PCDHA7: variants seen among roughly 807,000 people sequenced by gnomAD.
The protein encoded by PCDHA7 is protocadherin alpha 7, also known as protocadherin alpha-7.
In PCDHA7, 37 loss-of-function variants were observed where a neutral mutation model predicts 57.2. That is an observed-to-expected ratio of 0.65 (90% confidence interval 0.50 to 0.85). PCDHA7 has a LOEUF of 0.85. PCDHA7 is among the 40% of genes least tolerant of loss of function. PCDHA7 has a pLI of 0.00. For missense variants in PCDHA7, 1,188 were observed against 1,241.8 expected (o/e 0.96, Z 0.65); for synonymous variants, 553 against 558.8 (o/e 0.99, Z 0.15).
chr5:140,997,107 C>T (rs1346636277), intron 3 of PCDHA7, among the ~76,000 whole-genome samples: 3 of 152,094 alleles, frequency 2.0e-5, no homozygotes, highest in African/African-American at 7.2e-5. Flanking sequence ...TCATGCACTC[C>T]TGCTCTCCCA....
At chr5:140,967,790 C>T in intron 1 of PCDHA7, 1 of 1,614,188 alleles carries the variant, frequency 6.2e-7, no homozygotes, top group Non-Finnish European at 8.5e-7. Flanking sequence ...TGACCGGGGT[C>T]CAGTGCCCAT....
intron 3 of PCDHA7, among the ~76,000 whole-genome samples, chr5:140,992,037 G>A (rs2153898781): frequency 6.6e-6 from 1 of 152,006 alleles, no homozygotes; most frequent in East Asian, 1.9e-4. Context: ...GTGTGTGTGT[G>A]TGTGTGTGTG....
At chr5:141,009,173 G>A (rs1486905042) in intron 3 of PCDHA7, among the ~76,000 whole-genome samples, 3 of 152,204 alleles carry the variant, frequency 2.0e-5, no homozygotes, top group African/African-American at 7.2e-5. Flanking sequence ...TACTGGCCTT[G>A]GCTGGGTGTG....
At chr5:140,844,630 A>G (rs1413264229) in intron 1 of PCDHA7, among the ~76,000 whole-genome samples, 2 of 149,590 alleles carry the variant, frequency 1.3e-5, no homozygotes, top group Non-Finnish European at 3.0e-5. Flanking sequence ...CAGAAAAACT[A>G]TACATGATAA....
At chr5:140,889,626 TC>T (rs2062301507) in intron 1 of PCDHA7, among the ~76,000 whole-genome samples, 1 of 152,228 alleles carries the variant, frequency 6.6e-6, no homozygotes, top group African/African-American at 2.4e-5. Flanking sequence ...TCATTTCTCT[TC>T]TTTTCATTTG....
At position 140,978,793 on chromosome 5, in the gene PCDHA7, A is replaced by G. The variant is rs1241254692; in HGVS notation, c.2356-156A>G. 4.1e-6 allele frequency: 4 copies of G among 977,674 alleles called. No individual in the cohort carries two copies. In the African/African-American group the frequency reaches 7.0e-5, roughly 17 times the overall value. The allele number at this position is 977,674 out of a possible 1,614,324, so 60.6% of individuals were successfully genotyped here. On this transcript the variant is annotated intron_variant, in intron 1 of 3. Coordinates refer to ENST00000525929, the MANE Select transcript of PCDHA7 (RefSeq NM_018910.3). ...CTAATTTTCTTCTAAAGTGCTATAT[A>G]TGTAGATATCATCATAGAGTTACAC... is the stretch of plus-strand genomic sequence containing the variant.
intron 1 of PCDHA7, chr5:140,860,230 A>G (rs1282358261): frequency 6.6e-6 from 1 of 151,076 alleles, no homozygotes; most frequent in Non-Finnish European, 1.5e-5. Context: ...TATATAAGCC[A>G]GGCATGGTGG....
chr5:140,884,092 G>A (rs1443036011), intron 1 of PCDHA7: 17 of 1,613,438 alleles, frequency 1.1e-5, no homozygotes, highest in Non-Finnish European at 1.4e-5. Flanking sequence ...CGTGGCTTTC[G>A]TATGAATTGC....
chr5:140,869,250 G>T lies in PCDHA7; in HGVS notation c.2355+32512G>T, dbSNP rs371660992. ...ACGGCACCTTCGTGGGCCGCATCGC[G>T]CAGGACCTGGGGCTGGAGCTGGCGG... On this transcript the variant is annotated intron_variant, in intron 1 of 3. Transcript: ENST00000525929. The T allele has an allele frequency of 8.4e-5, 135 of 1,613,518 alleles. No homozygotes were observed. In the Middle Eastern group the frequency reaches 1.0e-3, roughly 13 times the overall value.
Position 140,871,493 on chromosome 5 carries a change from A to G in PCDHA7, c.2355+34755A>G, listed in dbSNP as rs968230550. 7 of 1,589,034 alleles carry G rather than the reference A, an allele frequency of 4.4e-6. No homozygotes were observed. Among genetic ancestry groups the G allele is most frequent in the Non-Finnish European group, 6.0e-6 (7 of 1,166,200 alleles). Reference sequence around the variant, plus strand: ...GAGCCAGGGTCAAATCACCCCGGACAGGTGAGTTTTCTACAGATTCCACCT... The same window carrying G: ...GAGCCAGGGTCAAATCACCCCGGACGGGTGAGTTTTCTACAGATTCCACCT... On this transcript the variant is annotated intron_variant, in intron 1 of 3. Coordinates refer to ENST00000525929, the MANE Select transcript of PCDHA7 (RefSeq NM_018910.3).
chr5:141,001,987 A>C (rs547998020), intron 3 of PCDHA7, among the ~76,000 whole-genome samples: 3 of 152,302 alleles, frequency 2.0e-5, no homozygotes, highest in African/African-American at 7.2e-5. Context: ...AAAGCCTGGA[A>C]GTTCACTTGC....
At chr5:140,852,808 C>G in intron 1 of PCDHA7, 1 of 975,820 alleles carries the variant, frequency 1.0e-6, no homozygotes, top group Non-Finnish European at 1.2e-6. Context: ...TCATTTGTCT[C>G]CCGCCCTAAG....
chr5:140,877,168 C>T lies in PCDHA7; in HGVS notation c.2355+40430C>T, dbSNP rs199567490. The T allele has an allele frequency of 1.0e-4, 161 of 1,613,836 alleles. No homozygotes were observed. In the African/African-American group the frequency reaches 2.0e-3, roughly 20 times the overall value. On this transcript the variant is annotated intron_variant, in intron 1 of 3. Coordinates refer to ENST00000525929, the MANE Select transcript of PCDHA7 (RefSeq NM_018910.3). ...CGAGAACGACAACGCGCCGGCACTG[C>T]TGGCGACTCCGGCTGGCAGCGCAGG...
intron 1 of PCDHA7, among the ~76,000 whole-genome samples, chr5:140,962,929 A>T (rs1386992197): frequency 1.3e-5 from 2 of 152,070 alleles, no homozygotes; most frequent in Non-Finnish European, 2.9e-5. Context: ...ATACTTCTCA[A>T]CCTCCTCTCC....
Position 140,835,273 on chromosome 5 carries a change from C to T in PCDHA7, c.890C>T (p.Pro297Leu). Reference sequence around the variant, plus strand: ...ATAAAATCCAAGTTCCACATGGACCCCTTAAGTGGGGCAATCACAGTGATA... The same window carrying T: ...ATAAAATCCAAGTTCCACATGGACCTCTTAAGTGGGGCAATCACAGTGATA... ...PDIKSKFHMD[P>L]LSGAITVIGH... Residue 297 changes from proline to leucine, a missense_variant, in exon 1 of 4, where the codon CCC becomes CTC. Around this residue, in one of 3 missense-constraint regions of PCDHA7, gnomAD observed 102 missense variants for 267.4 expected, o/e 0.38. Transcript: ENST00000525929. The T allele has an allele frequency of 6.2e-7, 1 of 1,610,738 alleles. No individual in the cohort carries two copies. Among genetic ancestry groups the T allele is most frequent in the South Asian group, 1.1e-5 (1 of 90,838 alleles).
chr5:140,871,146 T>G (rs372974792), intron 1 of PCDHA7: 2 of 1,613,386 alleles, frequency 1.2e-6, no homozygotes, highest in African/African-American at 2.7e-5. Flanking sequence ...CTTCCCGGAC[T>G]TTGGCGGGCG....
intron 1 of PCDHA7, chr5:140,860,059 T>A (rs894082800): frequency 2.7e-5 from 4 of 150,452 alleles, no homozygotes; most frequent in African/African-American, 9.8e-5. Context: ...GAGGCCAAGG[T>A]GGGAGGATGG....
chr5:140,927,688 G>T (rs2084510856), intron 1 of PCDHA7: 1 of 1,613,944 alleles, frequency 6.2e-7, no homozygotes, highest in African/African-American at 1.3e-5. Flanking sequence ...AGGGTCCAAT[G>T]GGGAAGTCCA....
intron 1 of PCDHA7, chr5:140,857,901 G>A (rs782807567): frequency 1.9e-6 from 3 of 1,597,728 alleles, no homozygotes; most frequent in East Asian, 4.5e-5. Flanking sequence ...GTTGGTGCAC[G>A]CATCCCGTTT....
Sources: gnomAD v4.1 joint callset for allele counts (sites outside exome capture counted in the v4.1 genomes callset) on GRCh38, gnomAD v4.1.1 for gene constraint, gnomAD v4.1.1 regional missense constraint, MANE v1.5 for transcripts, NCBI Gene and HGNC (gene_info 2026-07-23, HGNC 2026-07-21) for gene names.